Variants in PXDNL observed in about 807,000 individuals in gnomAD.
PXDNL encodes probable oxidoreductase PXDNL.
A neutral mutation model predicts 150.8 loss-of-function variants in PXDNL; 145 were observed. That is an observed-to-expected ratio of 0.96 (90% CI 0.84 to 1.10). The LOEUF is 1.10. Among genes scored for constraint, PXDNL ranks in the 50% least tolerant of loss-of-function variants. The pLI is 0.00. For missense variants in PXDNL, 2,087 were observed against 1,873.9 expected (o/e 1.11, Z -2.10); for synonymous variants, 757 against 725.7 (o/e 1.04, Z -0.69).
intron 10 of PXDNL, among the ~76,000 whole-genome samples, chr8:51,452,854 T>G (rs192782911): frequency 6.6e-6 from 1 of 152,136 alleles, no homozygotes; most frequent in East Asian, 1.9e-4. Context: ...AGCACTTATA[T>G]TCTGCTGTTT....
chr8:51,620,722 A>G (rs1015451421), intron 2 of PXDNL, among the ~76,000 whole-genome samples: 2 of 146,716 alleles, frequency 1.4e-5, no homozygotes, highest in African/African-American at 2.5e-5. Flanking sequence ...TTTTTTTTGT[A>G]CTTTAGTAGA....
At chr8:51,370,388 T>C (rs944855776) in intron 19 of PXDNL, among the ~76,000 whole-genome samples, 2 of 152,186 alleles carry the variant, frequency 1.3e-5, no homozygotes, top group East Asian at 1.9e-4. Flanking sequence ...CCCAGGGACA[T>C]TGGAGAAGAA....
intron 4 of PXDNL, among the ~76,000 whole-genome samples, chr8:51,521,917 T>C (rs923689075): frequency 1.2e-4 from 19 of 152,266 alleles, no homozygotes; most frequent in Admixed American, 1.2e-3. Context: ...CTACACCCAG[T>C]GAAGTTGACT....
At chr8:51,474,074 A>G (rs576330121) in intron 7 of PXDNL, among the ~76,000 whole-genome samples, 19 of 152,290 alleles carry the variant, frequency 1.2e-4, no homozygotes, top group African/African-American at 3.8e-4. Context: ...GACCAAGTCA[A>G]TTTTCTTGTC....
chr8:51,776,932 A>G (rs946459204), intron 1 of PXDNL, among the ~76,000 whole-genome samples: 6 of 152,180 alleles, frequency 3.9e-5, no homozygotes, highest in East Asian at 3.8e-4. Flanking sequence ...GTAGACATAG[A>G]CAGTCCACAA....
At chr8:51,436,320 T>C (rs1473698249) in intron 12 of PXDNL, 1 of 467,924 alleles carries the variant, frequency 2.1e-6, no homozygotes, top group African/African-American at 2.0e-5. Context: ...TTGTCTTAAA[T>C]CTCATAAACA....
intron 4 of PXDNL, among the ~76,000 whole-genome samples, chr8:51,513,661 A>C (rs1404548454): frequency 6.6e-6 from 1 of 152,226 alleles, no homozygotes; most frequent in East Asian, 1.9e-4. Context: ...AGAACAACAC[A>C]CTATAGATTA....
chr8:51,622,845 C>T (rs1296586184), intron 2 of PXDNL, among the ~76,000 whole-genome samples: 3 of 152,192 alleles, frequency 2.0e-5, no homozygotes, highest in East Asian at 1.9e-4. Context: ...GGAGCTCCTG[C>T]GCTCATTCTG....
intron 8 of PXDNL, among the ~76,000 whole-genome samples, chr8:51,471,641 TAGTC>T (rs776260189): frequency 3.9e-5 from 6 of 152,168 alleles, no homozygotes; most frequent in South Asian, 2.1e-4. Flanking sequence ...AGAATTATTT[TAGTC>T]AGTTTCAGAA....
chr8:51,425,297 T>C (rs996188343), intron 13 of PXDNL, among the ~76,000 whole-genome samples: 1 of 151,946 alleles, frequency 6.6e-6, no homozygotes, highest in Non-Finnish European at 1.5e-5. Context: ...TTATGAAGAG[T>C]AAATGTGATA....
At chr8:51,718,915 C>T (rs912243945) in intron 1 of PXDNL, among the ~76,000 whole-genome samples, 4 of 152,172 alleles carry the variant, frequency 2.6e-5, no homozygotes, top group African/African-American at 9.6e-5. Context: ...CCTCCCTCGC[C>T]CAGCCAGCCG....
chr8:51,559,988 A>G (rs1466893986), intron 3 of PXDNL, among the ~76,000 whole-genome samples: 1 of 152,062 alleles, frequency 6.6e-6, no homozygotes, highest in African/African-American at 2.4e-5. Context: ...ATAGAAATAC[A>G]AAACCTAGAA....
chr8:51,354,818 C>T (rs1356729740), intron 19 of PXDNL, among the ~76,000 whole-genome samples: 2 of 151,890 alleles, frequency 1.3e-5, no homozygotes, highest in East Asian at 1.9e-4. Flanking sequence ...ATAACTTATC[C>T]TTAGAACTTA....
At chr8:51,437,101 G>A (rs1463456319) in intron 12 of PXDNL, among the ~76,000 whole-genome samples, 2 of 152,100 alleles carry the variant, frequency 1.3e-5, no homozygotes, top group Non-Finnish European at 2.9e-5. Flanking sequence ...AAACCTAGAG[G>A]AGATGGATAT....
At chr8:51,423,496 G>T in intron 14 of PXDNL, 79 bp downstream of exon 14, 1 of 1,174,646 alleles carries the variant, frequency 8.5e-7, no homozygotes, top group Non-Finnish European at 1.2e-6. Context: ...TGATTAGTGA[G>T]ATCAGTCAAA....
intron 2 of PXDNL, among the ~76,000 whole-genome samples, chr8:51,619,945 C>A (rs1267718292): frequency 2.0e-5 from 3 of 152,004 alleles, no homozygotes; most frequent in African/African-American, 7.3e-5. Context: ...TATTTGGAGG[C>A]CTTCATTTTG....
chr8:51,679,421 T>C (rs1372035973), intron 1 of PXDNL, among the ~76,000 whole-genome samples: 3 of 152,244 alleles, frequency 2.0e-5, no homozygotes. Flanking sequence ...AGGTCAGTCA[T>C]AGGTCTTGTG....
rs541863993 is a variant in PXDNL, at chr8:51,449,074, C to G, written c.1294G>C (p.Glu432Gln). 4 of 1,553,070 alleles carry G rather than the reference C, an allele frequency of 2.6e-6. No individual in the cohort carries two copies. In the South Asian group the frequency reaches 4.8e-5, roughly 18 times the overall value. Residue 432 changes from glutamate to glutamine, a missense_variant, in exon 11 of 23, where the codon GAA becomes CAA. By Grantham distance (29) the Glu-to-Gln change is conservative. Transcript: ENST00000356297. ...TVTPKDQVVL[E>Q]EHAVEWLCEA... ...CAGAGCCACTCTACAGCATGTTCTTCCAGCACCACTTGATCCTTGGGGGTT... is the reference window on the plus strand; with the variant it reads ...CAGAGCCACTCTACAGCATGTTCTTGCAGCACCACTTGATCCTTGGGGGTT...
intron 2 of PXDNL, among the ~76,000 whole-genome samples, chr8:51,609,905 A>G (rs1317400722): frequency 6.6e-6 from 1 of 152,170 alleles, no homozygotes; most frequent in Non-Finnish European, 1.5e-5. Flanking sequence ...AATTTCTGGG[A>G]GCAGGGGGTT....
Sources: gnomAD v4.1 joint callset for allele counts (sites outside exome capture counted in the v4.1 genomes callset) on GRCh38, gnomAD v4.1.1 for gene constraint, MANE v1.5 for transcripts, NCBI Gene and HGNC (gene_info 2026-07-23, HGNC 2026-07-21) for gene names.